The following PTPRA variants were observed in gnomAD, a reference collection of about 807,000 sequenced individuals.
PTPRA encodes the protein protein tyrosine phosphatase receptor type A.
Under a neutral mutation model 104.8 loss-of-function variants are expected in PTPRA, and 25 were observed. The ratio of observed to expected loss-of-function variants is 0.24; its 90% CI spans 0.17 to 0.33. The LOEUF is 0.33. PTPRA is among the 10% of genes least tolerant of loss of function. PTPRA has a pLI of 1.00. For synonymous variants in PTPRA, 323 were observed against 368.9 expected (o/e 0.88, Z 1.43); for missense variants, 765 against 1,015.3 (o/e 0.75, Z 3.35).
chr20:2,900,735 T>C (rs969833228), intron 1 of PTPRA, among the ~76,000 whole-genome samples: 1 of 151,554 alleles, frequency 6.6e-6, no homozygotes, highest in Non-Finnish European at 1.5e-5. Context: ...CAGGTGCCTG[T>C]AATCCCAGCT....
chr20:2,990,659 G>T (rs187363389), intron 9 of PTPRA, among the ~76,000 whole-genome samples: 2 of 152,266 alleles, frequency 1.3e-5, no homozygotes, highest in Admixed American at 1.3e-4. Context: ...TGAGCCTGCG[G>T]GGTGGAGGTT....
chr20:2,969,783 G>A (rs1386393353), intron 5 of PTPRA, among the ~76,000 whole-genome samples: 18 of 150,676 alleles, frequency 1.2e-4, no homozygotes. Flanking sequence ...TGGCTAACAT[G>A]GTGAAACCCC....
chr20:2,889,121 GA>G (rs2058703252), intron 1 of PTPRA, among the ~76,000 whole-genome samples: 1 of 152,184 alleles, frequency 6.6e-6, no homozygotes, highest in Non-Finnish European at 1.5e-5. Context: ...TTTGTATACA[GA>G]AGGACTATTT....
In PTPRA at chr20:2,884,346, G is replaced by T. The variant is rs2090248320; in HGVS notation, c.-129+10586G>T. ...GTAAAGTGACTACCCATTCCCAGTA[G>T]CAACTCACAAAGGTTCCAGCAGCAA... On this transcript the variant is annotated intron_variant, in intron 1 of 23. Transcript: ENST00000399903. Among the ~76,000 whole-genome samples, 3 of 152,114 alleles carry T rather than the reference G, an allele frequency of 2.0e-5. No homozygotes were observed. In the South Asian group the frequency reaches 6.2e-4, roughly 32 times the overall value.
chr20:3,007,458 G>C (rs1391560473), intron 11 of PTPRA, 38 bp downstream of exon 11: 1 of 1,573,012 alleles, frequency 6.4e-7, no homozygotes, highest in Non-Finnish European at 8.7e-7. Context: ...TTCCCTGCCT[G>C]ACCATTGCCA....
intron 22 of PTPRA, among the ~76,000 whole-genome samples, chr20:3,036,249 G>A (rs3787480): frequency 0.13 from 20,290 of 152,208 alleles, 1,665 homozygotes; most frequent in East Asian, 0.29. Context: ...AGTCAAGGGT[G>A]TCTCCCAGGT....
intron 1 of PTPRA, among the ~76,000 whole-genome samples, chr20:2,922,931 G>A (rs1397492951): frequency 6.6e-6 from 1 of 151,928 alleles, no homozygotes; most frequent in Non-Finnish European, 1.5e-5. Context: ...CACCGCTCCT[G>A]GCTATTTTCT....
intron 5 of PTPRA, among the ~76,000 whole-genome samples, chr20:2,966,043 G>A (rs1374529985): frequency 1.3e-5 from 2 of 152,178 alleles, no homozygotes; most frequent in African/African-American, 4.8e-5. Flanking sequence ...GATGGTGAGT[G>A]CCCCTAAGCA....
At chr20:2,869,889 T>C (rs541189077), upstream of PTPRA, among the ~76,000 whole-genome samples, 1 of 148,246 alleles carries the variant, frequency 6.7e-6, no homozygotes, top group South Asian at 2.2e-4. Context: ...ATCGCTTGAT[T>C]GCTTGAACCC....
intron 9 of PTPRA, among the ~76,000 whole-genome samples, chr20:2,994,964 T>A (rs2063339708): frequency 6.6e-6 from 1 of 152,144 alleles, no homozygotes; most frequent in South Asian, 2.1e-4. Flanking sequence ...ACCCTGTCTC[T>A]ACTAAAAATA....
intron 6 of PTPRA, among the ~76,000 whole-genome samples, chr20:2,980,590 A>G (rs1014264840): frequency 1.3e-5 from 2 of 151,932 alleles, no homozygotes; most frequent in Non-Finnish European, 2.9e-5. Context: ...TGGCTCACGC[A>G]CATAATCATA....
intron 20 of PTPRA, among the ~76,000 whole-genome samples, chr20:3,032,812 C>A (rs78066937): frequency 6.6e-6 from 1 of 150,656 alleles, no homozygotes; most frequent in East Asian, 1.9e-4. Context: ...GTTCTCTGTT[C>A]GCTCTGTTCC....
intron 1 of PTPRA, among the ~76,000 whole-genome samples, chr20:2,892,227 T>TTGCAGTGA (rs1170916423): frequency 2.0e-5 from 3 of 148,642 alleles, no homozygotes; most frequent in Admixed American, 6.8e-5. Flanking sequence ...GAGTTGAAGG[T>TTGCAGTGA]TGCAGTGAGC....
chr20:2,895,114 TCAG>T lies in PTPRA; in HGVS notation c.-129+21358_-129+21360del, dbSNP rs199696055. 8.2e-3 allele frequency among the ~76,000 whole-genome samples: 1,244 copies of T among 152,246 alleles called. 67 individuals are homozygous for T. Among genetic ancestry groups the T allele is most frequent in the Admixed American group, 0.074 (1,134 of 15,266 alleles). The stretch of plus-strand genomic sequence containing the variant: ...TTATTTTAGACAGAGTCTTGATCTG[TCAG>T]CAGGCTGGAGTGCAGTGGTATAATC... On this transcript the variant is annotated intron_variant, in intron 1 of 23. Coordinates refer to ENST00000399903, the MANE Select transcript of PTPRA (RefSeq NM_001385305.1).
At chr20:2,927,151 G>A (rs919226205) in intron 2 of PTPRA, among the ~76,000 whole-genome samples, 9 of 151,818 alleles carry the variant, frequency 5.9e-5, no homozygotes, top group African/African-American at 9.7e-5. Context: ...CCTCATGATC[G>A]CCCTCCTCAG....
upstream of PTPRA, among the ~76,000 whole-genome samples, chr20:2,868,844 A>G (rs2089394863): frequency 6.6e-6 from 1 of 152,082 alleles, no homozygotes; most frequent in South Asian, 2.1e-4. Context: ...CCAAAGTAAC[A>G]TACAGTATAT....
intron 1 of PTPRA, among the ~76,000 whole-genome samples, chr20:2,915,454 G>T (rs1046896126): frequency 1.4e-5 from 2 of 147,534 alleles, no homozygotes; most frequent in Non-Finnish European, 3.0e-5. Flanking sequence ...TTTTAAATTG[G>T]GGGGAAGTTG....
At chr20:2,997,230 C>T (rs1252596822) in intron 9 of PTPRA, among the ~76,000 whole-genome samples, 4 of 151,722 alleles carry the variant, frequency 2.6e-5, no homozygotes, top group Admixed American at 6.6e-5. Flanking sequence ...TGAAAGACTA[C>T]AAATTGTCAA....
At chr20:2,895,757 T>A (rs1226571999) in intron 1 of PTPRA, among the ~76,000 whole-genome samples, 2 of 152,002 alleles carry the variant, frequency 1.3e-5, no homozygotes, top group Non-Finnish European at 2.9e-5. Context: ...CTCGAACTCC[T>A]GCCTCAAGTG....
Sources: allele counts gnomAD v4.1 joint callset (sites outside exome capture counted in the v4.1 genomes callset), GRCh38; gene constraint gnomAD v4.1.1; transcripts MANE v1.5; gene names NCBI Gene and HGNC (gene_info 2026-07-23, HGNC 2026-07-21).